LEMD1: variants seen among roughly 807,000 people sequenced by gnomAD.
LEMD1 encodes LEM domain containing 1.
In LEMD1, 18 loss-of-function variants were observed where a neutral mutation model predicts 17.4. That is an observed-to-expected ratio of 1.04 (90% confidence interval 0.72 to 1.54). The LOEUF (loss-of-function observed/expected upper bound fraction) is 1.54. Among genes scored for constraint, LEMD1 ranks in the 40% most tolerant of loss-of-function variants. The pLI, the probability that LEMD1 is intolerant of heterozygous loss-of-function variation, is 0.00. For synonymous variants in LEMD1, 88 were observed against 77.8 expected (o/e 1.13, Z -0.69); for missense variants, 195 against 210.4 (o/e 0.93, Z 0.45).
chr1:205,401,369 A>AC (rs1233933596), intron 4 of LEMD1, among the ~76,000 whole-genome samples: 1 of 152,164 alleles, frequency 6.6e-6, no homozygotes, highest in Admixed American at 6.5e-5. Context: ...TTGTTTTCTG[A>AC]CTTTTTAATG....
At chr1:205,398,567 A>G (rs1161779558) in intron 4 of LEMD1, among the ~76,000 whole-genome samples, 1 of 152,184 alleles carries the variant, frequency 6.6e-6, no homozygotes, top group African/African-American at 2.4e-5. Context: ...TCCCTTCCTT[A>G]TCGTCCCCTG....
chr1:205,399,429 A>C (rs1283017660), intron 4 of LEMD1, among the ~76,000 whole-genome samples: 1 of 152,238 alleles, frequency 6.6e-6, no homozygotes. Flanking sequence ...GTATACGTAT[A>C]CAGATACATA....
chr1:205,422,274 C>G (rs1422837332), upstream of LEMD1, among the ~76,000 whole-genome samples: 1 of 152,158 alleles, frequency 6.6e-6, no homozygotes, highest in Non-Finnish European at 1.5e-5. Flanking sequence ...TCATTATGCA[C>G]AGCAAGTAAG....
chr1:205,444,684 G>T (rs912084882), intron 1 of LEMD1, among the ~76,000 whole-genome samples: 6 of 152,146 alleles, frequency 3.9e-5, no homozygotes, highest in Admixed American at 1.3e-4. Context: ...AAACTCCTAG[G>T]TGTCTCGAAT....
chr1:205,419,327 T>C lies in LEMD1; in HGVS notation c.108A>G (p.Lys36=), dbSNP rs1665850188. 1.9e-6 allele frequency: 3 copies of C among 1,614,204 alleles called. No homozygotes were observed. The highest frequency in any genetic ancestry group is 1.7e-6 in the Non-Finnish European group (2 of 1,180,026). The change falls in exon 3 of 6, where the codon AAA becomes AAG. Residue 36 remains lysine (K), a synonymous_variant. Transcript: ENST00000367153. ...ILPSTRKLYE[K]KLVQLLVSPP... ...GTGAGACCAACAACTGTACTAACTT[T>C]TTTTCATACAACTTTCTGGTGGAAG...
intron 5 of LEMD1, 90 bp from the exon 6 acceptor site, chr1:205,381,946 G>T (rs1663721964): frequency 2.8e-5 from 35 of 1,247,392 alleles, no homozygotes; most frequent in Non-Finnish European, 4.1e-5. Flanking sequence ...AAGCCCAAGG[G>T]TGCAGTCATG....
intron 4 of LEMD1, among the ~76,000 whole-genome samples, chr1:205,390,340 G>T (rs1664274467): frequency 6.6e-6 from 1 of 150,400 alleles, no homozygotes; most frequent in Non-Finnish European, 1.5e-5. Context: ...GGGCGACAGA[G>T]CTACACTCTC....
chr1:205,400,965 C>T (rs1358582377), intron 4 of LEMD1, among the ~76,000 whole-genome samples: 8 of 148,202 alleles, frequency 5.4e-5, no homozygotes, highest in East Asian at 2.0e-4. Flanking sequence ...TTTGTCCTTG[C>T]GATAGTTTAC....
chr1:205,390,121 G>A (rs781492987), intron 4 of LEMD1, among the ~76,000 whole-genome samples: 3 of 152,148 alleles, frequency 2.0e-5, no homozygotes, highest in Non-Finnish European at 4.4e-5. Flanking sequence ...TTGGGAGGAC[G>A]AGTCAGGTGG....
At chr1:205,396,942 T>A (rs1372359304) in intron 4 of LEMD1, among the ~76,000 whole-genome samples, 1 of 152,234 alleles carries the variant, frequency 6.6e-6, no homozygotes. Flanking sequence ...TTCATATGCA[T>A]AATGTATTTT....
At position 205,433,493 on chromosome 1, in the gene LEMD1, C is replaced by T. The variant is rs368589177; in HGVS notation, c.-38-12919G>A. Among the ~76,000 whole-genome samples the T allele has an allele frequency of 1.1e-4, 17 of 152,168 alleles. 1 individual carries two copies. Among genetic ancestry groups the T allele is most frequent in the African/African-American group, 3.1e-4 (13 of 41,526 alleles). On this transcript the variant is annotated intron_variant, in intron 1 of 3. Coordinates refer to the LEMD1 transcript ENST00000367154. ...AAATAATATTAAATTGTGAGTTTCTCGAGGGCTGGAGCAATGTCTGGCTTT... is the reference window on the plus strand; with the variant it reads ...AAATAATATTAAATTGTGAGTTTCTTGAGGGCTGGAGCAATGTCTGGCTTT...
intron 4 of LEMD1, among the ~76,000 whole-genome samples, chr1:205,408,084 G>A (rs1665205429): frequency 6.6e-6 from 1 of 152,178 alleles, no homozygotes; most frequent in South Asian, 2.1e-4. Flanking sequence ...TAAAGAGAGC[G>A]TGTGTTCCTG....
rs78379787 is a variant in LEMD1, at chr1:205,420,591, A to G, written c.-38-17T>C. 3,676 of 1,274,026 alleles carry G rather than the reference A, an allele frequency of 2.9e-3. 69 individuals carry two copies. In the African/African-American group the frequency reaches 0.044, roughly 15 times the overall value. The allele number at this position is 1,274,026 out of a possible 1,614,324, so 78.9% of individuals were successfully genotyped here. On this transcript the variant is annotated splice_polypyrimidine_tract_variant and intron_variant, in intron 1 of 5. Transcript: ENST00000367153. ...GGTAGAATCCTTGAAATAACAAAACATTAAATTCATTAAGACAGCCTTACC... is the reference window on the plus strand; with the variant it reads ...GGTAGAATCCTTGAAATAACAAAACGTTAAATTCATTAAGACAGCCTTACC...
chr1:205,398,349 CT>C (rs1664685609), intron 4 of LEMD1, among the ~76,000 whole-genome samples: 1 of 152,164 alleles, frequency 6.6e-6, no homozygotes, highest in Non-Finnish European at 1.5e-5. Context: ...AATGGTAGTC[CT>C]TTAATATATA....
chr1:205,445,458 C>G (rs1666372227), intron 1 of LEMD1, among the ~76,000 whole-genome samples: 1 of 152,242 alleles, frequency 6.6e-6, no homozygotes, highest in South Asian at 2.1e-4. Context: ...TGAGCTCTAG[C>G]CTCTGGCTCA....
chr1:205,416,222 T>A lies in LEMD1; in HGVS notation c.270+10A>T, dbSNP rs948983908. ...GGGTATAAGTATTCAGGCATTAGAATGGTACATACTTTTTTGAGTTTCTTG... is the reference window on the plus strand; with the variant it reads ...GGGTATAAGTATTCAGGCATTAGAAAGGTACATACTTTTTTGAGTTTCTTG... On this transcript the variant is annotated intron_variant, in intron 4 of 5. Transcript: ENST00000367153. The A allele has an allele frequency of 2.6e-6, 4 of 1,510,380 alleles. No homozygotes were observed. In the African/African-American group the frequency reaches 5.5e-5, roughly 21 times the overall value. 93.6% of individuals were successfully genotyped at this position (1,510,380 alleles called of 1,614,324 possible).
chr1:205,412,659 T>G (rs1665504496), intron 4 of LEMD1, among the ~76,000 whole-genome samples: 1 of 152,234 alleles, frequency 6.6e-6, no homozygotes, highest in African/African-American at 2.4e-5. Flanking sequence ...GAAATGTGAA[T>G]GCTTATTTAC....
intron 1 of LEMD1, among the ~76,000 whole-genome samples, chr1:205,433,967 A>G (rs1389626569): frequency 6.6e-6 from 1 of 152,256 alleles, no homozygotes; most frequent in Non-Finnish European, 1.5e-5. Context: ...TTCAGAGATC[A>G]TTGGAATCTC....
chr1:205,419,956 T>A (rs552205326), intron 2 of LEMD1, among the ~76,000 whole-genome samples: 1 of 152,282 alleles, frequency 6.6e-6, no homozygotes, highest in South Asian at 2.1e-4. Context: ...AGGGTCCACA[T>A]ACTAAAAACA....
Sources: allele counts gnomAD v4.1 joint callset (sites outside exome capture counted in the v4.1 genomes callset), GRCh38; gene constraint gnomAD v4.1.1; transcripts MANE v1.5; gene names NCBI Gene and HGNC (gene_info 2026-07-23, HGNC 2026-07-21).